The following VSIG10L2 variants were observed in gnomAD, a reference collection of about 807,000 sequenced individuals.
The protein encoded by VSIG10L2 is V-set and immunoglobulin domain containing 10 like 2, also known as V-set and immunoglobulin domain-containing protein 10-like 2.
In VSIG10L2, 56 loss-of-function variants were observed where a neutral mutation model predicts 67.1. The observed-to-expected ratio is 0.83, with a 90% CI of 0.67 to 1.04. The LOEUF (loss-of-function observed/expected upper bound fraction) is 1.04, where lower values mean the gene tolerates loss of function less well. Ranked by LOEUF, VSIG10L2 falls within the 50% of genes least tolerant of loss-of-function variation. VSIG10L2 has a pLI of 0.00. For missense variants in VSIG10L2, 843 were observed against 932.8 expected, an observed-to-expected ratio of 0.90 and a Z score of 1.25; for synonymous variants, 360 against 396.6, an observed-to-expected ratio of 0.91 and a Z score of 1.10.
rs920259492 is a variant in VSIG10L2 at position 125,955,918 on chromosome 11, C to T, written c.*4C>T. On this transcript the variant is annotated 3_prime_UTR_variant, in exon 12 of 12. Coordinates refer to ENST00000686984, the MANE Select transcript of VSIG10L2 (RefSeq NM_001365077.2). The stretch of plus-strand genomic sequence containing the variant: ...CACAGTGACTGCAACACCATAAGGC[C>T]CAAAGAGGAAGATGCAAATAGGCTT... 1.5e-6 allele frequency: 1 copy of T among 653,134 alleles called. No individual in the cohort carries two copies. The highest frequency in any genetic ancestry group is 1.8e-5 in the African/African-American group (1 of 55,554). The allele number at this position is 653,134 out of a possible 1,614,324, so 40.5% of individuals were successfully genotyped here. A position where few individuals can be genotyped will look rare whatever the true frequency, so the allele number is the denominator to read the frequency against.
At position 125,951,041 on chromosome 11, in the gene VSIG10L2, G is replaced by T. The variant is rs1302823596; in HGVS notation, c.1117G>T (p.Ala373Ser). The T allele has an allele frequency of 9.7e-6, 12 of 1,232,410 alleles. No homozygotes were observed. The highest frequency in any genetic ancestry group is 1.2e-5 in the Non-Finnish European group (12 of 988,214). The allele number at this position is 1,232,410 out of a possible 1,614,324, so 76.3% of individuals were successfully genotyped here. The change falls in exon 5 of 12, where the codon GCC becomes TCC. Residue 373 changes from alanine to serine, a missense_variant. Transcript: ENST00000686984. ...AGGGCCTCAGGGACCTGGCCCTACTGCCCCCAGCAACGTCACCTGGAGTCA... is the reference window on the plus strand; with the variant it reads ...AGGGCCTCAGGGACCTGGCCCTACTTCCCCCAGCAACGTCACCTGGAGTCA... ...WEGPQGPGPT[A>S]PSNVTWSHAA...
At position 125,955,875 on chromosome 11, in the gene VSIG10L2, T is replaced by C; in HGVS notation, c.2343T>C (p.Ser781=). 1 of 692,514 alleles carries C rather than the reference T, an allele frequency of 1.4e-6. No homozygotes were observed. Among genetic ancestry groups the C allele is most frequent in the Non-Finnish European group, 2.6e-6 (1 of 381,512 alleles). 42.9% of individuals were successfully genotyped at this position (692,514 alleles called of 1,614,324 possible). A position where few individuals can be genotyped will look rare whatever the true frequency, so the allele number is the denominator to read the frequency against. ...ATCCTGCACAAGAAACCACGGATTC[T>C]CCAGTGAATGTCACCATCACAGTGA... ...GLDPAQETTD[S]PVNVTITVTA... is the part of the protein sequence containing the mutation. The change falls in exon 12 of 12, where the codon TCT becomes TCC. Residue 781 remains serine (S), a synonymous_variant. Transcript: ENST00000686984.
intron 3 of VSIG10L2, 76 bp downstream of exon 3, chr11:125,948,656 A>G (rs1376409457): frequency 4.9e-6 from 6 of 1,220,136 alleles, no homozygotes; most frequent in Admixed American, 4.2e-5. Flanking sequence ...TCCACACCTC[A>G]GAACTCCCCA....
chr11:125,947,407 G>T, intron 1 of VSIG10L2: 1 of 985,286 alleles, frequency 1.0e-6, no homozygotes, highest in African/African-American at 1.7e-5. Flanking sequence ...TCTGCCTTTT[G>T]GATGGTCTAG....
intron 3 of VSIG10L2, 51 bp from the exon 4 acceptor site, chr11:125,949,963 G>A: frequency 8.1e-7 from 1 of 1,231,216 alleles, no homozygotes; most frequent in Non-Finnish European, 1.0e-6. Flanking sequence ...GCATGTGCGT[G>A]AATGAAGGAA....
chr11:125,956,016 C>A lies in VSIG10L2; in HGVS notation c.*102C>A. The A allele has an allele frequency of 1.5e-6, 1 of 658,662 alleles. No individual in the cohort carries two copies. Among genetic ancestry groups the A allele is most frequent in the East Asian group, 2.7e-5 (1 of 36,798 alleles). 40.8% of individuals were successfully genotyped at this position (658,662 alleles called of 1,614,324 possible). ...TCATAAAACCAACGTAGCTAAGACA[C>A]CAACTACCACTTTCACTTAATACCC... On this transcript the variant is annotated 3_prime_UTR_variant, in exon 12 of 12. Coordinates refer to ENST00000686984, the MANE Select transcript of VSIG10L2 (RefSeq NM_001365077.2).
rs1945406853 is a variant in VSIG10L2, at chr11:125,953,532, T to C, written c.1628T>C (p.Val543Ala). The change falls in exon 7 of 12, where the codon GTG (valine) becomes GCG (alanine). Residue 543 changes from valine (V) to alanine (A), a missense_variant. Val to Ala is a moderately conservative substitution (Grantham distance 64). Transcript: ENST00000686984. The stretch of plus-strand genomic sequence containing the variant: ...TGGCTGGGGCCTCAACAACAAAAAG[T>C]GGACCCCGGCACTTCAGGATTCATG... ...LLWLGPQQQK[V>A]DPGTSGFMLH... 2 of 1,231,992 alleles carry C rather than the reference T, an allele frequency of 1.6e-6. No individual in the cohort carries two copies. The highest frequency in any genetic ancestry group is 2.0e-6 in the Non-Finnish European group (2 of 988,032). 76.3% of individuals were successfully genotyped at this position (1,231,992 alleles called of 1,614,324 possible).
At chr11:125,950,324 C>T in intron 4 of VSIG10L2, 35 bp downstream of exon 4, 1 of 1,232,244 alleles carries the variant, frequency 8.1e-7, no homozygotes, top group Non-Finnish European at 1.0e-6. Flanking sequence ...CCAGACCTGT[C>T]CTGGGGACAA....
chr11:125,953,622 G>C lies in VSIG10L2; in HGVS notation c.1718G>C (p.Gly573Ala). 8.1e-7 allele frequency: 1 copy of C among 1,232,258 alleles called. No homozygotes were observed. The highest frequency in any genetic ancestry group is 1.0e-6 in the Non-Finnish European group (1 of 988,034). 76.3% of individuals were successfully genotyped at this position (1,232,258 alleles called of 1,614,324 possible). ...GATGCTGACCCGGCACACCACAGGG[G>C]CACCTACCAATGCGTGGCCCGCAAC... ...IYDADPAHHR[G>A]TYQCVARNAV... is the part of the protein sequence containing the mutation. The change falls in exon 7 of 12, where the codon GGC (glycine) becomes GCC (alanine). Residue 573 changes from glycine (G) to alanine (A), a missense_variant. Transcript: ENST00000686984.
In VSIG10L2 at chr11:125,951,803, T is replaced by C; in HGVS notation, c.1235-10T>C. ...TCCACAGGGCCATACTGAGCCATCA[T>C]TCCTTCCAGGGGAGCCTCTCGGGAG... On this transcript the variant is annotated splice_polypyrimidine_tract_variant and intron_variant, in intron 5 of 11. Transcript: ENST00000686984. 1.3e-6 allele frequency: 2 copies of C among 1,484,948 alleles called. No individual in the cohort carries two copies. Among genetic ancestry groups the C allele is most frequent in the South Asian group, 1.3e-5 (1 of 75,714 alleles). 92.0% of individuals were successfully genotyped at this position (1,484,948 alleles called of 1,614,324 possible).
At chr11:125,954,055 A>C (rs1290555135) in intron 7 of VSIG10L2, 32 bp from the exon 8 acceptor site, 4 of 1,231,308 alleles carry the variant, frequency 3.2e-6, no homozygotes, top group Non-Finnish European at 4.1e-6. Context: ...GTAGGTATAC[A>C]TGTCCCTTGT....
intron 11 of VSIG10L2, 48 bp from the exon 12 acceptor site, chr11:125,955,769 C>T (rs1351637443): frequency 3.9e-6 from 4 of 1,018,008 alleles, no homozygotes; most frequent in Admixed American, 4.0e-5. Context: ...AACACTTGGA[C>T]ACTCCCAAAG....
At chr11:125,952,148 C>T in intron 6 of VSIG10L2, 75 bp downstream of exon 6, 1 of 1,450,650 alleles carries the variant, frequency 6.9e-7, no homozygotes, top group Non-Finnish European at 9.1e-7. Context: ...ATAAAGAGAT[C>T]TTAGGGGGTG....
At chr11:125,955,541 G>T in intron 10 of VSIG10L2, 35 bp downstream of exon 10, 1 of 1,318,134 alleles carries the variant, frequency 7.6e-7, no homozygotes, top group Non-Finnish European at 1.0e-6. Context: ...TGGGGGCCAG[G>T]GCTTTCCTCC....
Position 125,947,951 on chromosome 11 carries a change from C to A in VSIG10L2, c.348C>A (p.Ala116=). 8.1e-7 allele frequency: 1 copy of A among 1,232,336 alleles called. No homozygotes were observed. Among genetic ancestry groups the A allele is most frequent in the Non-Finnish European group, 1.0e-6 (1 of 988,116 alleles). 76.3% of individuals were successfully genotyped at this position (1,232,336 alleles called of 1,614,324 possible). Residue 116 remains alanine (A), a synonymous_variant, in exon 2 of 12, where the codon GCC becomes GCA. Transcript: ENST00000686984. The stretch of plus-strand genomic sequence containing the variant: ...TGCTGGGGGAGCTTCACGAGGGTGC[C>A]CGTGGCCACTTCCTATGCCAGGTTC... The part of the protein sequence containing the change: ...SLVLGELHEG[A]RGHFLCQVLH...
chr11:125,947,432 T>G, intron 1 of VSIG10L2: 5 of 985,088 alleles, frequency 5.1e-6, no homozygotes, highest in Non-Finnish European at 6.0e-6. Flanking sequence ...CCATGAGGAG[T>G]GGGGATGTCT....
chr11:125,949,547 C>T lies in VSIG10L2; in HGVS notation c.710-467C>T, dbSNP rs188308278. On this transcript the variant is annotated intron_variant, in intron 3 of 11. Coordinates refer to ENST00000686984, the MANE Select transcript of VSIG10L2 (RefSeq NM_001365077.2). ...ACTCTTTTGGAGTCAGGGAGAGCTT[C>T]GAAGATGGTGACCCTGAGCTTGGAA... Among the ~76,000 whole-genome samples the T allele has an allele frequency of 3.0e-4, 45 of 152,220 alleles. No homozygotes were observed. In the Middle Eastern group the frequency reaches 0.01, roughly 35 times the overall value.
rs760615539 is a variant in VSIG10L2 at position 125,951,976 on chromosome 11, C to T, written c.1398C>T (p.His466=). The T allele has an allele frequency of 1.6e-5, 24 of 1,536,020 alleles. No homozygotes were observed. Among genetic ancestry groups the T allele is most frequent in the Middle Eastern group, 1.7e-4 (1 of 6,012 alleles). Residue 466 remains histidine (H), a synonymous_variant, in exon 6 of 12, where the codon CAC becomes CAT. Transcript: ENST00000686984. The part of the protein sequence containing the change: ...LGGSSSSMAV[H]LLQAQEDLAG... ...GCAGCAGCTCCTCGATGGCCGTTCA[C>T]CTCCTGCAGGCCCAAGAAGATCTGG...
intron 3 of VSIG10L2, among the ~76,000 whole-genome samples, chr11:125,948,907 C>G (rs1478256250): frequency 6.6e-6 from 1 of 152,250 alleles, no homozygotes; most frequent in African/African-American, 2.4e-5. Context: ...CAGAAACCAA[C>G]AGGACCCCAG....
Sources: gnomAD v4.1 joint callset for allele counts (sites outside exome capture counted in the v4.1 genomes callset) on GRCh38, gnomAD v4.1.1 for gene constraint, MANE v1.5 for transcripts, NCBI Gene and HGNC (gene_info 2026-07-23, HGNC 2026-07-21) for gene names.